The following NKAIN2 variants were observed in gnomAD, a reference collection of about 807,000 sequenced individuals.
The protein encoded by NKAIN2 is sodium/potassium-transporting ATPase subunit beta-1-interacting protein 2.
A neutral mutation model predicts 32.6 loss-of-function variants in NKAIN2; 14 were observed. That is an observed-to-expected ratio of 0.43 (90% CI 0.28 to 0.67). The LOEUF is 0.67. Among genes scored for constraint, NKAIN2 ranks in the 30% least tolerant of loss-of-function variants. NKAIN2 has a pLI of 0.17. For synonymous variants in NKAIN2, 80 were observed against 87.2 expected (o/e 0.92, Z 0.46); for missense variants, 198 against 258.3 (o/e 0.77, Z 1.60).
chr6:124,716,511 C>A (rs1349980425), intron 4 of NKAIN2, among the ~76,000 whole-genome samples: 1 of 152,198 alleles, frequency 6.6e-6, no homozygotes, highest in Non-Finnish European at 1.5e-5. Flanking sequence ...AGCAGCACAA[C>A]AATCAACATG....
chr6:124,664,246 G>T (rs1772652518), intron 4 of NKAIN2, among the ~76,000 whole-genome samples: 3 of 151,116 alleles, frequency 2.0e-5, no homozygotes, highest in Non-Finnish European at 4.4e-5. Context: ...TTTCACTCCA[G>T]CCTGGGCGAG....
intron 1 of NKAIN2, among the ~76,000 whole-genome samples, chr6:124,268,928 T>A (rs867169650): frequency 2.6e-5 from 4 of 152,126 alleles, no homozygotes; most frequent in African/African-American, 9.7e-5. Context: ...ATTTCCTAAG[T>A]TATACTGTTG....
intron 3 of NKAIN2, among the ~76,000 whole-genome samples, chr6:124,379,301 A>AG (rs1800153391): frequency 8.8e-6 from 1 of 113,242 alleles, no homozygotes; most frequent in Non-Finnish European, 1.8e-5. Context: ...GAGAGAAAGG[A>AG]GAAAGGGGAG....
intron 4 of NKAIN2, among the ~76,000 whole-genome samples, chr6:124,747,835 C>T (rs762890539): frequency 1.7e-4 from 26 of 151,718 alleles, no homozygotes; most frequent in Non-Finnish European, 2.9e-4. Context: ...ATATGAAACA[C>T]TCAATTCAAA....
At chr6:124,818,149 A>G (rs1231236746) in intron 5 of NKAIN2, among the ~76,000 whole-genome samples, 1 of 152,124 alleles carries the variant, frequency 6.6e-6, no homozygotes, top group Non-Finnish European at 1.5e-5. Flanking sequence ...CTACCAAGTG[A>G]ATAAATTCTT....
At chr6:124,147,681 T>C (rs1220627393) in intron 1 of NKAIN2, among the ~76,000 whole-genome samples, 1 of 152,156 alleles carries the variant, frequency 6.6e-6, no homozygotes, top group South Asian at 2.1e-4. Flanking sequence ...CAAAGTGACT[T>C]TTTTATTAAC....
At chr6:124,449,411 C>T (rs539566113) in intron 3 of NKAIN2, among the ~76,000 whole-genome samples, 2 of 152,128 alleles carry the variant, frequency 1.3e-5, no homozygotes, top group Admixed American at 1.3e-4. Context: ...ATGTAACCAG[C>T]CAACACTGTT....
chr6:124,758,757 A>G (rs1778081683), intron 4 of NKAIN2, among the ~76,000 whole-genome samples: 1 of 152,178 alleles, frequency 6.6e-6, no homozygotes, highest in Admixed American at 6.5e-5. Context: ...TGTCCATTGA[A>G]TGAACTACAA....
intron 1 of NKAIN2, among the ~76,000 whole-genome samples, chr6:124,168,205 C>A (rs1422452676): frequency 6.6e-6 from 1 of 152,066 alleles, no homozygotes; most frequent in African/African-American, 2.4e-5. Flanking sequence ...ATTAGTATTG[C>A]TATATATGCT....
chr6:124,244,181 C>T (rs2626106), intron 1 of NKAIN2, among the ~76,000 whole-genome samples: 35,101 of 150,244 alleles, frequency 0.23, 4,282 homozygotes, highest in African/African-American at 0.28. Context: ...TGCTGGTGCG[C>T]TGCACCCACT....
intron 1 of NKAIN2, among the ~76,000 whole-genome samples, chr6:123,952,243 T>C (rs1321103845): frequency 6.6e-6 from 1 of 152,150 alleles, no homozygotes; most frequent in Non-Finnish European, 1.5e-5. Flanking sequence ...GCCTGTAGAA[T>C]TTCTGCTGAG....
chr6:124,729,820 A>C (rs1233011269), intron 4 of NKAIN2, among the ~76,000 whole-genome samples: 1 of 152,000 alleles, frequency 6.6e-6, no homozygotes, highest in Admixed American at 6.6e-5. Context: ...CCATTGTCTC[A>C]GCCTAAAATC....
At chr6:124,799,755 A>G (rs1438341724) in intron 5 of NKAIN2, among the ~76,000 whole-genome samples, 7 of 152,164 alleles carry the variant, frequency 4.6e-5, no homozygotes, top group Non-Finnish European at 1.0e-4. Context: ...TAGCCTTAAT[A>G]AGAAAGAAAC....
chr6:124,163,919 A>G (rs1788399937), intron 1 of NKAIN2, among the ~76,000 whole-genome samples: 1 of 152,034 alleles, frequency 6.6e-6, no homozygotes, highest in African/African-American at 2.4e-5. Flanking sequence ...AAACTTGCAG[A>G]AAGACGAATA....
chr6:124,326,886 A>T (rs1233867323), intron 2 of NKAIN2, among the ~76,000 whole-genome samples: 1 of 152,046 alleles, frequency 6.6e-6, no homozygotes, highest in Non-Finnish European at 1.5e-5. Flanking sequence ...TCCCTCTCCC[A>T]GCTCCCCTTA....
chr6:124,130,343 C>T (rs141722884), intron 1 of NKAIN2, among the ~76,000 whole-genome samples: 1 of 152,270 alleles, frequency 6.6e-6, no homozygotes, highest in East Asian at 1.9e-4. Context: ...ATGATTACCT[C>T]ATCAGAAAGG....
chr6:124,498,667 A>G lies in NKAIN2; in HGVS notation c.273+143320A>G, dbSNP rs575436051. 1.3e-4 allele frequency among the ~76,000 whole-genome samples: 20 copies of G among 152,216 alleles called. 1 individual carries two copies. In the South Asian group the frequency reaches 4.1e-3, roughly 32 times the overall value. On this transcript the variant is annotated intron_variant, in intron 3 of 6. Transcript: ENST00000368417. ...TTTATCATGATAAAAATCAAAGAAA[A>G]TGTGTCTTCTTGGTGAAAGATTTTT...
Position 124,694,556 on chromosome 6 carries a change from C to T in NKAIN2, c.474+36170C>T, listed in dbSNP as rs184296399. Among the ~76,000 whole-genome samples the T allele has an allele frequency of 9.3e-4, 142 of 152,326 alleles. 4 individuals are homozygous for T. In the East Asian group the frequency reaches 0.025, roughly 27 times the overall value. ...CCTAGAAAGCATTTCTTCATTCAGCCTCTGTGCTGGAAACAGACAACAGCT... is the reference window on the plus strand; with the variant it reads ...CCTAGAAAGCATTTCTTCATTCAGCTTCTGTGCTGGAAACAGACAACAGCT... On this transcript the variant is annotated intron_variant, in intron 4 of 6. Coordinates refer to ENST00000368417, the MANE Select transcript of NKAIN2 (RefSeq NM_001040214.3).
chr6:124,548,922 T>C (rs992409354), intron 3 of NKAIN2, among the ~76,000 whole-genome samples: 2 of 152,166 alleles, frequency 1.3e-5, no homozygotes, highest in African/African-American at 2.4e-5. Flanking sequence ...AAACTGAAAC[T>C]GATTGGTGAC....
Sources: allele counts gnomAD v4.1 joint callset (sites outside exome capture counted in the v4.1 genomes callset), GRCh38; gene constraint gnomAD v4.1.1; transcripts MANE v1.5; gene names NCBI Gene and HGNC (gene_info 2026-07-23, HGNC 2026-07-21).